The following EXD3 variants were observed in gnomAD, a reference collection of about 807,000 sequenced individuals.
The protein encoded by EXD3 is exonuclease 3'-5' domain containing 3, also known as exonuclease mut-7 homolog.
A neutral mutation model predicts 98.0 loss-of-function variants in EXD3; 92 were observed. The ratio of observed to expected loss-of-function variants is 0.94; its 90% CI spans 0.79 to 1.12. EXD3 has a LOEUF of 1.12. Among genes scored for constraint, EXD3 ranks in the 50% most tolerant of loss-of-function variants. The pLI is 0.00. For missense variants in EXD3, 1,222 were observed against 1,191.6 expected, an observed-to-expected ratio of 1.03 and a Z score of -0.38; for synonymous variants, 569 against 526.0, an observed-to-expected ratio of 1.08 and a Z score of -1.12.
intron 1 of EXD3, among the ~76,000 whole-genome samples, chr9:137,406,053 T>C (rs923164268): frequency 6.6e-6 from 1 of 151,238 alleles, no homozygotes; most frequent in African/African-American, 2.4e-5. Context: ...GACCCCATCC[T>C]ATGAAAAAAA....
chr9:137,339,561 G>A (rs983795592), intron 17 of EXD3, among the ~76,000 whole-genome samples: 1 of 151,128 alleles, frequency 6.6e-6, no homozygotes, highest in Non-Finnish European at 1.5e-5. Context: ...GGTAATATGC[G>A]GGACCAAGTT....
intron 19 of EXD3, among the ~76,000 whole-genome samples, chr9:137,317,020 A>G (rs1206451811): frequency 2.0e-5 from 3 of 152,102 alleles, no homozygotes; most frequent in Non-Finnish European, 4.4e-5. Flanking sequence ...ATAGGGGTGC[A>G]GGGGGCAGCT....
intron 17 of EXD3, among the ~76,000 whole-genome samples, chr9:137,334,155 C>T (rs567267841): frequency 1.3e-5 from 2 of 152,302 alleles, no homozygotes; most frequent in East Asian, 1.9e-4. Flanking sequence ...GCACCCGCCA[C>T]CACACCCGGC....
At chr9:137,345,719 C>A (rs1833897138) in intron 17 of EXD3, 1 of 151,044 alleles carries the variant, frequency 6.6e-6, no homozygotes, top group African/African-American at 2.4e-5. Flanking sequence ...TCCATAGAAG[C>A]CAAAAGGATA....
At chr9:137,397,177 C>T (rs149210459) in intron 1 of EXD3, among the ~76,000 whole-genome samples, 17 of 152,354 alleles carry the variant, frequency 1.1e-4, no homozygotes, top group African/African-American at 3.4e-4. Flanking sequence ...CAGGACCAGA[C>T]GGCCACAGCC....
intron 19 of EXD3, among the ~76,000 whole-genome samples, chr9:137,321,967 G>A (rs1832054778): frequency 6.6e-6 from 1 of 152,202 alleles, no homozygotes. Context: ...AGCTTGGACA[G>A]TGCAGCCCTG....
intron 11 of EXD3, 59 bp from the exon 12 acceptor site, chr9:137,352,260 T>C: frequency 1.2e-6 from 2 of 1,605,142 alleles, no homozygotes; most frequent in Non-Finnish European, 8.5e-7. Flanking sequence ...CACTCTGACC[T>C]CGGAGCAGGA....
chr9:137,388,450 A>G (rs867594479), intron 2 of EXD3, among the ~76,000 whole-genome samples: 1 of 152,160 alleles, frequency 6.6e-6, no homozygotes, highest in African/African-American at 2.4e-5. Context: ...CTTCACCTTG[A>G]GACACAGACG....
chr9:137,320,160 A>G lies in EXD3; in HGVS notation c.2184+3565T>C, dbSNP rs575815435. Among the ~76,000 whole-genome samples the G allele has an allele frequency of 8.5e-5, 13 of 152,262 alleles. No homozygotes were observed. The South Asian group carries it at 2.5e-3, about 29-fold the overall frequency. ...CTGCGGGATGTGCACACAGAGACGCATATGTCTGCAAGGCCCCTGGCCGGG... is the reference window on the plus strand; with the variant it reads ...CTGCGGGATGTGCACACAGAGACGCGTATGTCTGCAAGGCCCCTGGCCGGG... On this transcript the variant is annotated intron_variant, in intron 19 of 21. Coordinates refer to ENST00000340951, the MANE Select transcript of EXD3 (RefSeq NM_017820.5).
chr9:137,377,728 A>T (rs1835987681), intron 3 of EXD3, among the ~76,000 whole-genome samples: 2 of 151,976 alleles, frequency 1.3e-5, no homozygotes, highest in South Asian at 4.1e-4. Context: ...GTCAAAAAAG[A>T]AAGGAAGGGA....
At chr9:137,396,831 G>A (rs1453015157) in intron 1 of EXD3, among the ~76,000 whole-genome samples, 2 of 152,358 alleles carry the variant, frequency 1.3e-5, no homozygotes, top group East Asian at 3.9e-4. Context: ...CGTAAAACTG[G>A]ATGATATATC....
chr9:137,387,162 G>A (rs759350808), intron 2 of EXD3, among the ~76,000 whole-genome samples: 15 of 76,814 alleles, frequency 2.0e-4, no homozygotes, highest in African/African-American at 6.7e-4. Flanking sequence ...CTCGGCCCCC[G>A]CTCCCTGCCT....
chr9:137,392,558 TG>T, intron 2 of EXD3: 1 of 228,816 alleles, frequency 4.4e-6, no homozygotes, highest in Non-Finnish European at 8.8e-6. Flanking sequence ...AGGGCTGAGC[TG>T]GGGCCTCTTG....
intron 17 of EXD3, among the ~76,000 whole-genome samples, chr9:137,328,671 A>G (rs374506391): frequency 2.1e-3 from 104 of 48,916 alleles, no homozygotes; most frequent in African/African-American, 9.9e-3. Context: ...ACTACACGGG[A>G]CTACACGGGG....
intron 2 of EXD3, among the ~76,000 whole-genome samples, chr9:137,389,756 G>A (rs999970190): frequency 3.9e-5 from 6 of 152,162 alleles, no homozygotes; most frequent in African/African-American, 7.2e-5. Context: ...TTCTGCAACC[G>A]CAGGTCAGAA....
chr9:137,324,236 G>T lies in EXD3; in HGVS notation c.1999-93C>A. 1 of 1,127,166 alleles carries T rather than the reference G, an allele frequency of 8.9e-7. No individual in the cohort carries two copies. Among genetic ancestry groups the T allele is most frequent in the Non-Finnish European group, 1.3e-6 (1 of 776,664 alleles). 69.8% of individuals were successfully genotyped at this position (1,127,166 alleles called of 1,614,324 possible). A position where few individuals can be genotyped will look rare whatever the true frequency, so the allele number is the denominator to read the frequency against. On this transcript the variant is annotated intron_variant, in intron 17 of 21. Transcript: ENST00000340951. The surrounding 1 kb of genome is among the most constrained non-coding windows in gnomAD (Gnocchi z 4.1). Reference sequence around the variant, plus strand: ...TCGCCACCCCCTAGCTCCCCGGATCGTGGCCCTGCCCCAGGCCCCTTTTGT... The same window carrying T: ...TCGCCACCCCCTAGCTCCCCGGATCTTGGCCCTGCCCCAGGCCCCTTTTGT...
intron 1 of EXD3, among the ~76,000 whole-genome samples, chr9:137,400,531 C>T (rs534343740): frequency 1.4e-3 from 213 of 152,146 alleles, no homozygotes; most frequent in Non-Finnish European, 2.0e-3. Flanking sequence ...TTTGGGAGGC[C>T]GAGGAGGGTG....
chr9:137,403,179 G>A lies in EXD3; in HGVS notation c.-47-7775C>T, dbSNP rs1182180409. On this transcript the variant is annotated intron_variant, in intron 1 of 21. Coordinates refer to ENST00000340951, the MANE Select transcript of EXD3 (RefSeq NM_017820.5). The surrounding 1 kb of genome is among the most constrained non-coding windows in gnomAD (Gnocchi z 6.1). ...TCCCCTCCATGGCAGTGTGGGGACT[G>A]CTATGCATATCTGAAAGTGAGGCAC... Among the ~76,000 whole-genome samples the A allele has an allele frequency of 6.6e-6, 1 of 151,992 alleles. No homozygotes were observed. The highest frequency in any genetic ancestry group is 1.5e-5 in the Non-Finnish European group (1 of 67,996).
intron 17 of EXD3, among the ~76,000 whole-genome samples, chr9:137,330,479 T>C (rs1415682325): frequency 1.5e-5 from 2 of 129,546 alleles, no homozygotes; most frequent in Admixed American, 8.0e-5. Context: ...ACAAAGGAGC[T>C]ACACAGGAGC....
Sources: gnomAD v4.1 joint callset for allele counts (sites outside exome capture counted in the v4.1 genomes callset) on GRCh38, gnomAD v4.1.1 for gene constraint, Gnocchi (gnomAD v3.1) non-coding constraint, MANE v1.5 for transcripts, NCBI Gene and HGNC (gene_info 2026-07-23, HGNC 2026-07-21) for gene names.